PLA2G6: variants seen among roughly 807,000 people sequenced by gnomAD.
The protein encoded by PLA2G6 is 85/88 kDa calcium-independent phospholipase A2.
A neutral mutation model predicts 83.8 loss-of-function variants in PLA2G6; 62 were observed. The observed-to-expected ratio is 0.74, with a 90% CI of 0.60 to 0.91. The LOEUF (loss-of-function observed/expected upper bound fraction) is 0.91. Ranked by LOEUF, PLA2G6 falls within the 40% of genes least tolerant of loss-of-function variation. PLA2G6 has a pLI of 0.00. For missense variants in PLA2G6, 944 were observed against 1,102.0 expected, an observed-to-expected ratio of 0.86 and a Z score of 2.03; for synonymous variants, 417 against 449.8, an observed-to-expected ratio of 0.93 and a Z score of 0.92.
chr22:38,112,446 C>T (rs1238449188), intron 16 of PLA2G6, 58 bp downstream of exon 16: 3 of 1,510,270 alleles, frequency 2.0e-6, no homozygotes, highest in South Asian at 1.2e-5. Context: ...AGGGGAAGGT[C>T]GGTGAGTCCG....
Position 38,128,249 on chromosome 22 carries a change from A to G in PLA2G6, c.1348+20T>C. 1 of 1,611,106 alleles carries G rather than the reference A, an allele frequency of 6.2e-7. No individual in the cohort carries two copies. ...CCTGGGAACCAGCTGGAGAAGAGGG[A>G]GTCGGGAGGCGAGGCCTACCTAGGT... is the stretch of plus-strand genomic sequence containing the variant. On this transcript the variant is annotated intron_variant, in intron 9 of 16. Coordinates refer to ENST00000332509, the MANE Select transcript of PLA2G6 (RefSeq NM_003560.4). This position sits in a 1 kb window ranked among gnomAD's most constrained non-coding sequence, Gnocchi z 4.4.
intron 14 of PLA2G6, among the ~76,000 whole-genome samples, chr22:38,114,243 C>T (rs1033751285): frequency 4.6e-5 from 7 of 150,976 alleles, no homozygotes; most frequent in Middle Eastern, 6.8e-3. Flanking sequence ...TGCAGTGGCG[C>T]GATCTCGGCT....
Position 38,115,709 on chromosome 22 carries a change from G to A in PLA2G6, c.1880-28C>T, listed in dbSNP as rs368948611. The A allele has an allele frequency of 1.2e-5, 19 of 1,579,488 alleles. No individual in the cohort carries two copies. The African/African-American group carries it at 2.2e-4, about 18-fold the overall frequency. On this transcript the variant is annotated intron_variant, in intron 13 of 16. Coordinates refer to ENST00000332509, the MANE Select transcript of PLA2G6 (RefSeq NM_003560.4). ...AGGGGCGGGGAAGGAGGGCGGCCCA[G>A]TGGCACAAGGGACTGGCATAAAACC... is the stretch of plus-strand genomic sequence containing the variant.
chr22:38,177,042 CAAAAA>C (rs11471646), intron 1 of PLA2G6, among the ~76,000 whole-genome samples: 2 of 129,438 alleles, frequency 1.5e-5, no homozygotes, highest in Non-Finnish European at 3.3e-5. Flanking sequence ...GAGACTGTCT[CAAAAA>C]AAAAAAAAAA....
chr22:38,172,388 T>G (rs1211086259), intron 1 of PLA2G6, among the ~76,000 whole-genome samples: 2 of 152,092 alleles, frequency 1.3e-5, no homozygotes, highest in Non-Finnish European at 2.9e-5. Context: ...TCACAGAAAG[T>G]TTGTCAAAAC....
chr22:38,142,012 T>C (rs1602169125), intron 4 of PLA2G6: 1 of 151,662 alleles, frequency 6.6e-6, no homozygotes. Flanking sequence ...CTGGGCAACA[T>C]GGCAAAACCC....
At chr22:38,159,981 A>T (rs1443708824) in intron 2 of PLA2G6, among the ~76,000 whole-genome samples, 1 of 152,204 alleles carries the variant, frequency 6.6e-6, no homozygotes, top group Non-Finnish European at 1.5e-5. Flanking sequence ...TATCACTGAC[A>T]AAAGGTGTGT....
At chr22:38,120,493 G>C (rs534981809) in intron 12 of PLA2G6, among the ~76,000 whole-genome samples, 3 of 150,424 alleles carry the variant, frequency 2.0e-5, no homozygotes, top group South Asian at 2.1e-4. Flanking sequence ...GGGCAGAGCC[G>C]GCAGGGCAGA....
rs571514711 is a variant in PLA2G6 at position 38,128,679 on chromosome 22, G to A, written c.1187-249C>T. On this transcript the variant is annotated intron_variant, in intron 8 of 16. Transcript: ENST00000332509. The surrounding 1 kb of genome is among the most constrained non-coding windows in gnomAD (Gnocchi z 4.4). Reference sequence around the variant, plus strand: ...GGAGGTCAGTGTCACCCTGCCCGATGCCTGTGGGAACCCCTTCTTTCCTTC... The same window carrying A: ...GGAGGTCAGTGTCACCCTGCCCGATACCTGTGGGAACCCCTTCTTTCCTTC... 8.6e-4 allele frequency among the ~76,000 whole-genome samples: 131 copies of A among 152,310 alleles called. 1 individual carries two copies. The highest frequency in any genetic ancestry group is 3.0e-3 in the African/African-American group (126 of 41,572).
intron 13 of PLA2G6, 98 bp downstream of exon 13, chr22:38,115,977 G>A (rs146918630): frequency 6.1e-5 from 92 of 1,510,502 alleles, no homozygotes; most frequent in Middle Eastern, 2.3e-4. Context: ...CTGGTGGCAC[G>A]GTGAGGGTGC....
At chr22:38,178,162 G>C (rs1602302280) in intron 1 of PLA2G6, among the ~76,000 whole-genome samples, 1 of 152,190 alleles carries the variant, frequency 6.6e-6, no homozygotes, top group Admixed American at 6.5e-5. Context: ...GACTTTAAGA[G>C]ATCTTTGGGC....
At chr22:38,150,074 A>G (rs1188942249) in intron 2 of PLA2G6, 1 of 150,394 alleles carries the variant, frequency 6.6e-6, no homozygotes, top group African/African-American at 2.4e-5. Context: ...AAAAACACAT[A>G]GAAAAAAACA....
intron 1 of PLA2G6, among the ~76,000 whole-genome samples, chr22:38,178,953 A>C (rs183112615): frequency 2.0e-5 from 3 of 152,352 alleles, no homozygotes; most frequent in African/African-American, 7.2e-5. Flanking sequence ...TACTAATAAT[A>C]AAGAAGATAA....
At chr22:38,119,032 G>T (rs1477308641) in intron 12 of PLA2G6, among the ~76,000 whole-genome samples, 1 of 152,170 alleles carries the variant, frequency 6.6e-6, no homozygotes, top group Non-Finnish European at 1.5e-5. Context: ...AAAGAGCTGG[G>T]ATTACAGGCT....
chr22:38,116,287 C>A, intron 12 of PLA2G6, 76 bp from the exon 13 acceptor site: 11 of 1,520,952 alleles, frequency 7.2e-6, no homozygotes, highest in South Asian at 1.1e-5. Flanking sequence ...ATTCACACCC[C>A]AGGGCCTTGG....
chr22:38,112,640 G>T, intron 15 of PLA2G6, 63 bp from the exon 16 acceptor site: 2 of 1,368,708 alleles, frequency 1.5e-6, no homozygotes, highest in Non-Finnish European at 2.0e-6. Context: ...ACCCCGCCCG[G>T]CCCTGCCCTG....
chr22:38,115,125 G>A (rs1255930225), intron 14 of PLA2G6, among the ~76,000 whole-genome samples: 1 of 152,202 alleles, frequency 6.6e-6, no homozygotes, highest in Non-Finnish European at 1.5e-5. Flanking sequence ...GAGCCCCCAG[G>A]CCTTTTAGCA....
At chr22:38,112,695 C>A in intron 15 of PLA2G6, 118 bp from the exon 16 acceptor site, 1 of 822,064 alleles carries the variant, frequency 1.2e-6, no homozygotes, top group South Asian at 1.4e-5. Flanking sequence ...TCTTTCGAGT[C>A]AGGCTGAGCC....
At chr22:38,129,342 G>T in intron 8 of PLA2G6, 112 bp downstream of exon 8, 1 of 775,894 alleles carries the variant, frequency 1.3e-6, no homozygotes, top group South Asian at 1.4e-5. Flanking sequence ...GCTCTGAGCA[G>T]GGCGGGTCAG....
Sources: gnomAD v4.1 joint callset for allele counts (sites outside exome capture counted in the v4.1 genomes callset) on GRCh38, gnomAD v4.1.1 for gene constraint, Gnocchi (gnomAD v3.1) non-coding constraint, MANE v1.5 for transcripts, NCBI Gene and HGNC (gene_info 2026-07-23, HGNC 2026-07-21) for gene names.